Variants in BBX observed in about 807,000 individuals in gnomAD.
BBX encodes the protein BBX high mobility group box domain containing.
In BBX, 30 loss-of-function variants were observed where a neutral mutation model predicts 100.2. That is an observed-to-expected ratio of 0.30 (90% confidence interval 0.22 to 0.41). The LOEUF (loss-of-function observed/expected upper bound fraction) is 0.41. BBX is among the 10% of genes least tolerant of loss of function. The pLI is 1.00. For synonymous variants in BBX, 376 were observed against 388.1 expected (o/e 0.97, Z 0.37); for missense variants, 1,023 against 1,129.8 (o/e 0.91, Z 1.35).
At chr3:107,528,940 T>A (rs953556575) in intron 2 of BBX, among the ~76,000 whole-genome samples, 3 of 152,350 alleles carry the variant, frequency 2.0e-5, no homozygotes, top group African/African-American at 7.2e-5. Flanking sequence ...GGTATATTTT[T>A]AAGTAGATCT....
At chr3:107,603,370 T>A (rs187718734) in intron 2 of BBX, among the ~76,000 whole-genome samples, 3 of 152,050 alleles carry the variant, frequency 2.0e-5, no homozygotes, top group Admixed American at 6.6e-5. Flanking sequence ...TTTCTTGTCA[T>A]CTTATTTTTT....
At chr3:107,758,376 G>A (rs1207028254) in intron 10 of BBX, among the ~76,000 whole-genome samples, 1 of 152,186 alleles carries the variant, frequency 6.6e-6, no homozygotes, top group Non-Finnish European at 1.5e-5. Context: ...TTATAAAGAT[G>A]TATGAGTTTC....
At chr3:107,598,964 C>T (rs775053504) in intron 2 of BBX, among the ~76,000 whole-genome samples, 2 of 152,092 alleles carry the variant, frequency 1.3e-5, no homozygotes, top group Non-Finnish European at 2.9e-5. Flanking sequence ...CTGGGGCCCT[C>T]TGGCCCCAGG....
chr3:107,676,167 A>C (rs2059269043), intron 3 of BBX, among the ~76,000 whole-genome samples: 1 of 152,194 alleles, frequency 6.6e-6, no homozygotes. Flanking sequence ...AAGAAAACAA[A>C]ACAATGAGTC....
chr3:107,659,995 A>C (rs990502711), intron 3 of BBX, among the ~76,000 whole-genome samples: 1 of 152,150 alleles, frequency 6.6e-6, no homozygotes, highest in Admixed American at 6.5e-5. Flanking sequence ...GTGAAGAGAT[A>C]GTGAGTTTTC....
chr3:107,710,556 A>G lies in BBX; in HGVS notation c.96A>G (p.Leu32=), dbSNP rs1334838187. 1 of 1,614,062 alleles carries G rather than the reference A, an allele frequency of 6.2e-7. No homozygotes were observed. Among genetic ancestry groups the G allele is most frequent in the Non-Finnish European group, 8.5e-7 (1 of 1,179,972 alleles). Residue 32 remains leucine, a synonymous_variant, in exon 4 of 18, where the codon CTA becomes CTG. Coordinates refer to ENST00000325805, the MANE Select transcript of BBX (RefSeq NM_001142568.3). ...KRKCLQWHPL[L]AKKLLDFSEE... ...AGTGTCTTCAGTGGCATCCATTGCT[A>G]GCAAAGAAACTTCTTGATTTTTCAG...
intron 2 of BBX, among the ~76,000 whole-genome samples, chr3:107,559,144 A>G (rs1576302767): frequency 1.3e-5 from 2 of 152,230 alleles, no homozygotes; most frequent in East Asian, 3.8e-4. Context: ...TTTGAGGCCA[A>G]ATAATGGATA....
intron 3 of BBX, among the ~76,000 whole-genome samples, chr3:107,650,362 TG>T (rs1212258749): frequency 6.6e-6 from 1 of 152,024 alleles, no homozygotes; most frequent in Non-Finnish European, 1.5e-5. Context: ...TGATCTGAGG[TG>T]GAACAGTTTC....
intron 3 of BBX, among the ~76,000 whole-genome samples, chr3:107,648,132 G>A (rs1486795044): frequency 6.6e-6 from 1 of 152,134 alleles, no homozygotes; most frequent in African/African-American, 2.4e-5. Context: ...TGCACATAAT[G>A]TATTAAAGAT....
At chr3:107,645,389 T>C (rs1379288050) in intron 2 of BBX, among the ~76,000 whole-genome samples, 1 of 152,208 alleles carries the variant, frequency 6.6e-6, no homozygotes, top group East Asian at 1.9e-4. Context: ...CTTTAAAATA[T>C]TTAAAAGGCA....
chr3:107,529,562 T>C (rs937010853), intron 2 of BBX, among the ~76,000 whole-genome samples: 2 of 152,246 alleles, frequency 1.3e-5, no homozygotes, highest in Non-Finnish European at 2.9e-5. Context: ...CTCTTCCAGC[T>C]TGAAGATTCT....
At chr3:107,661,934 G>C in intron 3 of BBX, 5 of 977,842 alleles carry the variant, frequency 5.1e-6, no homozygotes, top group Non-Finnish European at 6.1e-6. Flanking sequence ...GAGGCGAATT[G>C]TTCCACTGTA....
rs2057363116 is a variant in BBX at position 107,643,856 on chromosome 3, C to T, written c.-83-1980C>T. On this transcript the variant is annotated intron_variant, in intron 2 of 17. Transcript: ENST00000325805. ...ATTTGGAGTGTTTCTGTTTGGCTGT[C>T]AGAGAACTCAAAGGCCTGTGATAGA... is the stretch of plus-strand genomic sequence containing the variant. 3.9e-5 allele frequency among the ~76,000 whole-genome samples: 6 copies of T among 152,094 alleles called. No individual in the cohort carries two copies. The South Asian group carries it at 1.2e-3, about 32-fold the overall frequency.
At chr3:107,654,413 C>T (rs1162567579) in intron 3 of BBX, among the ~76,000 whole-genome samples, 1 of 151,910 alleles carries the variant, frequency 6.6e-6, no homozygotes, top group African/African-American at 2.4e-5. Context: ...ATGAGTTTTT[C>T]CCTAATCAGC....
chr3:107,596,836 C>T (rs527507001), intron 2 of BBX, among the ~76,000 whole-genome samples: 260 of 152,246 alleles, frequency 1.7e-3, no homozygotes, highest in African/African-American at 5.7e-3. Flanking sequence ...TGGAACACTT[C>T]GTTGATCAAA....
intron 2 of BBX, among the ~76,000 whole-genome samples, chr3:107,602,950 T>TTGTTC (rs1007688179): frequency 2.3e-5 from 2 of 85,652 alleles, no homozygotes; most frequent in African/African-American, 6.1e-5. Flanking sequence ...CAGTGTTTTT[T>TTGTTC]TGTTTTGTTT....
intron 2 of BBX, among the ~76,000 whole-genome samples, chr3:107,585,770 A>G (rs2052788442): frequency 6.6e-6 from 1 of 152,202 alleles, no homozygotes; most frequent in Non-Finnish European, 1.5e-5. Context: ...CTCTCTGGAG[A>G]ACTAAAGTAA....
chr3:107,526,577 T>C, intron 2 of BBX, 179 bp downstream of exon 2: 1 of 388,214 alleles, frequency 2.6e-6, no homozygotes. Context: ...AATTCAGCTG[T>C]GGGTTATTAT....
chr3:107,760,210 C>T (rs1016489703), intron 10 of BBX, among the ~76,000 whole-genome samples: 4 of 152,184 alleles, frequency 2.6e-5, no homozygotes, highest in Admixed American at 2.6e-4. Context: ...TGTTCTTTCA[C>T]CTTGTTTTAG....
Sources: gnomAD v4.1 joint callset for allele counts (sites outside exome capture counted in the v4.1 genomes callset) on GRCh38, gnomAD v4.1.1 for gene constraint, MANE v1.5 for transcripts, NCBI Gene and HGNC (gene_info 2026-07-23, HGNC 2026-07-21) for gene names.